KLHL1: variants seen among roughly 807,000 people sequenced by gnomAD.
KLHL1 encodes the protein kelch like family member 1.
In KLHL1, 47 loss-of-function variants were observed where a neutral mutation model predicts 77.7. The ratio of observed to expected loss-of-function variants is 0.60; its 90% CI spans 0.48 to 0.77. The LOEUF (loss-of-function observed/expected upper bound fraction) is 0.77, where lower values mean the gene tolerates loss of function less well. KLHL1 is among the 30% of genes least tolerant of loss of function. The probability of loss-of-function intolerance (pLI) is 0.00; values close to 1 mark genes in which losing one functional copy is unlikely to be tolerated. For missense variants in KLHL1, 925 were observed against 910.8 expected (o/e 1.02, Z -0.20); for synonymous variants, 360 against 325.2 (o/e 1.11, Z -1.15).
In KLHL1 at chr13:70,105,119, T is replaced by C. The variant is rs190282057; in HGVS notation, c.497+2084A>G. On this transcript the variant is annotated intron_variant, in intron 1 of 10. Transcript: ENST00000377844. The stretch of plus-strand genomic sequence containing the variant: ...GACCTGATTTTCAATAGTTTACACA[T>C]GCCTAATCTCATAAGATAATTTGAT... Among the ~76,000 whole-genome samples the C allele has an allele frequency of 1.3e-3, 204 of 152,134 alleles. 2 individuals are homozygous for C. The highest frequency in any genetic ancestry group is 9.6e-4 in the East Asian group (5 of 5,186).
At chr13:70,055,790 A>G (rs1704627956) in intron 1 of KLHL1, among the ~76,000 whole-genome samples, 1 of 152,012 alleles carries the variant, frequency 6.6e-6, no homozygotes, top group South Asian at 2.1e-4. Flanking sequence ...GTCACATTGT[A>G]ACCTCAAATA....
chr13:69,840,698 A>ATATATATGTATGTATGTATG (rs976775077), intron 5 of KLHL1, among the ~76,000 whole-genome samples: 138 of 146,330 alleles, frequency 9.4e-4, no homozygotes, highest in Non-Finnish European at 1.6e-3. Flanking sequence ...ATATATATAT[A>ATATATATGTATGTATGTATG]TATGTATGTA....
At chr13:70,105,167 G>C (rs886233456) in intron 1 of KLHL1, among the ~76,000 whole-genome samples, 1 of 151,998 alleles carries the variant, frequency 6.6e-6, no homozygotes, top group Non-Finnish European at 1.5e-5. Flanking sequence ...GATGATTTTG[G>C]TTGGTAGATG....
intron 7 of KLHL1, among the ~76,000 whole-genome samples, chr13:69,781,158 T>C (rs1173244270): frequency 6.6e-6 from 1 of 152,134 alleles, no homozygotes; most frequent in Non-Finnish European, 1.5e-5. Flanking sequence ...ATACTGACTA[T>C]GTCTCCCATA....
At chr13:70,075,442 T>TA (rs1231587330) in intron 1 of KLHL1, among the ~76,000 whole-genome samples, 3 of 150,208 alleles carry the variant, frequency 2.0e-5, no homozygotes, top group Non-Finnish European at 3.0e-5. Context: ...AAAATTTTAT[T>TA]AAAAAAAACC....
intron 3 of KLHL1, among the ~76,000 whole-genome samples, chr13:69,958,608 G>T (rs937802992): frequency 6.6e-6 from 1 of 151,410 alleles, no homozygotes; most frequent in African/African-American, 2.4e-5. Context: ...AATGTTATAT[G>T]TTTAAATCAT....
At chr13:69,811,103 C>A (rs2138062158) in intron 6 of KLHL1, among the ~76,000 whole-genome samples, 1 of 152,060 alleles carries the variant, frequency 6.6e-6, no homozygotes, top group Middle Eastern at 3.4e-3. Context: ...AGGGGGGCCT[C>A]CTCCCTAACT....
intron 4 of KLHL1, among the ~76,000 whole-genome samples, chr13:69,887,529 T>G (rs1174879995): frequency 6.6e-6 from 1 of 152,242 alleles, no homozygotes; most frequent in African/African-American, 2.4e-5. Context: ...GAAAGCAACG[T>G]GGCTCCTTCG....
intron 1 of KLHL1, among the ~76,000 whole-genome samples, chr13:70,032,732 A>C (rs541002587): frequency 6.6e-6 from 1 of 152,196 alleles, no homozygotes; most frequent in African/African-American, 2.4e-5. Context: ...AAACACATCA[A>C]ATGTATGCAT....
At chr13:69,713,514 T>G (rs1875975215) in intron 9 of KLHL1, among the ~76,000 whole-genome samples, 1 of 152,184 alleles carries the variant, frequency 6.6e-6, no homozygotes, top group Admixed American at 6.6e-5. Context: ...TTTTTTCACT[T>G]ATTCAGATAT....
chr13:70,066,874 C>T (rs1338604826), intron 1 of KLHL1, among the ~76,000 whole-genome samples: 1 of 152,172 alleles, frequency 6.6e-6, no homozygotes, highest in Non-Finnish European at 1.5e-5. Context: ...TTTTATATAA[C>T]AGCTCTAAAA....
At chr13:69,973,294 G>A (rs1188651951) in intron 2 of KLHL1, among the ~76,000 whole-genome samples, 4 of 151,452 alleles carry the variant, frequency 2.6e-5, no homozygotes, top group Non-Finnish European at 5.9e-5. Flanking sequence ...CTTCAATGAG[G>A]GCAATATGTT....
Position 70,107,187 on chromosome 13 carries a change from T to A in KLHL1, c.497+16A>T. The stretch of plus-strand genomic sequence containing the variant: ...AATTGAGAGATGCTTGGAAGCCCCG[T>A]GGGGACTTACTGTACCTGTGTCCAC... On this transcript the variant is annotated intron_variant, in intron 1 of 10. Transcript: ENST00000377844. 1 of 1,574,872 alleles carries A rather than the reference T, an allele frequency of 6.3e-7. No homozygotes were observed. The highest frequency in any genetic ancestry group is 8.6e-7 in the Non-Finnish European group (1 of 1,159,494).
At chr13:69,900,016 C>T (rs1045024469) in intron 4 of KLHL1, among the ~76,000 whole-genome samples, 6 of 152,036 alleles carry the variant, frequency 3.9e-5, no homozygotes, top group African/African-American at 1.4e-4. Flanking sequence ...ATTGTTAATT[C>T]TTAATATGGC....
chr13:69,821,613 C>T (rs1036525757), intron 6 of KLHL1, among the ~76,000 whole-genome samples: 1 of 152,058 alleles, frequency 6.6e-6, no homozygotes, highest in Non-Finnish European at 1.5e-5. Context: ...CCACACCTGG[C>T]CTTGGTGATA....
chr13:69,954,556 A>T lies in KLHL1; in HGVS notation c.817+6752T>A, dbSNP rs189048042. Among the ~76,000 whole-genome samples, 48 of 151,374 alleles carry T rather than the reference A, an allele frequency of 3.2e-4. 1 individual carries two copies. The highest frequency in any genetic ancestry group is 2.5e-3 in the Admixed American group (38 of 15,122). On this transcript the variant is annotated intron_variant, in intron 3 of 10. Coordinates refer to ENST00000377844, the MANE Select transcript of KLHL1 (RefSeq NM_020866.3). ...GACTCAAGAGATTTTTCTTACTTCA[A>T]AACCCAGAAAATAACTGTGACTTAC...
At chr13:69,867,215 G>A (rs568931407) in intron 5 of KLHL1, among the ~76,000 whole-genome samples, 1 of 152,126 alleles carries the variant, frequency 6.6e-6, no homozygotes, top group South Asian at 2.1e-4. Flanking sequence ...AGTATTTTAA[G>A]TATTTTGAGA....
rs80120512 is a variant in KLHL1, at chr13:69,794,544, G to C, written c.1639+2194C>G. Among the ~76,000 whole-genome samples, 33 of 148,866 alleles carry C rather than the reference G, an allele frequency of 2.2e-4. 1 individual carries two copies. Among genetic ancestry groups the C allele is most frequent in the Non-Finnish European group, 4.0e-4 (27 of 67,122 alleles). On this transcript the variant is annotated intron_variant, in intron 7 of 10. Transcript: ENST00000377844. The stretch of plus-strand genomic sequence containing the variant: ...AAGAGGAGAAAAAGGATGAACAACA[G>C]AGAAAGAGGAGAGAGAGATTAAAAA...
chr13:70,072,965 G>T (rs975840118), intron 1 of KLHL1, among the ~76,000 whole-genome samples: 6 of 151,982 alleles, frequency 3.9e-5, no homozygotes, highest in African/African-American at 1.5e-4. Context: ...AATAAGAGAA[G>T]AAAAAAACTA....
Sources: gnomAD v4.1 joint callset for allele counts (sites outside exome capture counted in the v4.1 genomes callset) on GRCh38, gnomAD v4.1.1 for gene constraint, MANE v1.5 for transcripts, NCBI Gene and HGNC (gene_info 2026-07-23, HGNC 2026-07-21) for gene names.